The following KIRREL3 variants were observed in gnomAD, a reference collection of about 807,000 sequenced individuals.
KIRREL3 encodes the protein kirre like nephrin family adhesion molecule 3.
A neutral mutation model predicts 89.7 loss-of-function variants in KIRREL3; 36 were observed. The ratio of observed to expected loss-of-function variants is 0.40; its 90% CI spans 0.31 to 0.53. The LOEUF (loss-of-function observed/expected upper bound fraction) is 0.53. Among genes scored for constraint, KIRREL3 ranks in the 20% least tolerant of loss-of-function variants. KIRREL3 has a pLI of 0.49. For missense variants in KIRREL3, 864 were observed against 1,056.6 expected, an observed-to-expected ratio of 0.82 and a Z score of 2.53; for synonymous variants, 445 against 441.4, an observed-to-expected ratio of 1.01 and a Z score of -0.10.
intron 1 of KIRREL3, among the ~76,000 whole-genome samples, chr11:126,895,472 A>G (rs1946114937): frequency 2.0e-5 from 3 of 150,482 alleles, no homozygotes; most frequent in Admixed American, 2.0e-4. Flanking sequence ...AAAAAAAAGG[A>G]AAAAAGAAAG....
At chr11:126,716,588 G>T (rs569048016) in intron 1 of KIRREL3, among the ~76,000 whole-genome samples, 1 of 152,152 alleles carries the variant, frequency 6.6e-6, no homozygotes, top group African/African-American at 2.4e-5. Flanking sequence ...GAGCACAGAA[G>T]ATTCCTGGGG....
Position 126,795,866 on chromosome 11 carries a change from G to A in KIRREL3, c.55+204589C>T, listed in dbSNP as rs1265863543. The stretch of plus-strand genomic sequence containing the variant: ...TTGGAGGGGCATGTAGATACCCCAT[G>A]CCAGGCCAGCCTCCGTACTGCCAGG... On this transcript the variant is annotated intron_variant, in intron 1 of 16. Transcript: ENST00000525144. The surrounding 1 kb of genome is among the most constrained non-coding windows in gnomAD (Gnocchi z 4.1). Among the ~76,000 whole-genome samples the A allele has an allele frequency of 6.6e-6, 1 of 152,216 alleles. No individual in the cohort carries two copies. The highest frequency in any genetic ancestry group is 1.9e-4 in the East Asian group (1 of 5,164).
chr11:126,701,370 G>C (rs1947307328), intron 1 of KIRREL3, among the ~76,000 whole-genome samples: 1 of 152,102 alleles, frequency 6.6e-6, no homozygotes, highest in African/African-American at 2.4e-5. Flanking sequence ...CTCAGTCTTG[G>C]TGAGAGAGGG....
chr11:126,573,403 T>G (rs1941075982), intron 1 of KIRREL3, among the ~76,000 whole-genome samples: 1 of 152,064 alleles, frequency 6.6e-6, no homozygotes, highest in African/African-American at 2.4e-5. Flanking sequence ...GAGCAGAGGA[T>G]GAGGAACTGG....
Position 126,548,661 on chromosome 11 carries a change from G to A in KIRREL3, c.133+14174C>T, listed in dbSNP as rs1421134532. ...CTTCATGAGGAATGACTACACTAGC[G>A]CTCTTGCTTAGGGCCTGCTTCCAGG... is the stretch of plus-strand genomic sequence containing the variant. On this transcript the variant is annotated intron_variant, in intron 2 of 16. Transcript: ENST00000525144. 5.3e-5 allele frequency among the ~76,000 whole-genome samples: 8 copies of A among 152,208 alleles called. No homozygotes were observed. In the South Asian group the frequency reaches 6.2e-4, roughly 12 times the overall value.
At chr11:126,654,899 G>A (rs946923823) in intron 1 of KIRREL3, among the ~76,000 whole-genome samples, 2 of 152,094 alleles carry the variant, frequency 1.3e-5, no homozygotes, top group Admixed American at 6.5e-5. Context: ...TGGGTCAGAG[G>A]CCAGGAGTCT....
In KIRREL3 at chr11:126,890,794, T is replaced by C. The variant is rs529287524; in HGVS notation, c.55+109661A>G. Among the ~76,000 whole-genome samples the C allele has an allele frequency of 6.6e-6, 1 of 152,348 alleles. No homozygotes were observed. The highest frequency in any genetic ancestry group is 6.5e-5 in the Admixed American group (1 of 15,306). ...AGTCCCAGCACCACAGCGGCCTGCC[T>C]GTGCCCAGCGCTGCCCCAGCATCCT... On this transcript the variant is annotated intron_variant, in intron 1 of 16. Transcript: ENST00000525144. The surrounding 1 kb of genome is among the most constrained non-coding windows in gnomAD (Gnocchi z 5.1).
rs1957012922 is a variant in KIRREL3 at position 126,474,564 on chromosome 11, T to C, written c.434-1098A>G. On this transcript the variant is annotated intron_variant, in intron 4 of 16. Transcript: ENST00000525144. The surrounding 1 kb of genome is among the most constrained non-coding windows in gnomAD (Gnocchi z 6.7). ...GAGCTCCTCACTCCTCCAGAGCGGC[T>C]CCAGCCCCTTCATCCCCAGAGGCAG... is the stretch of plus-strand genomic sequence containing the variant. 6.6e-6 allele frequency among the ~76,000 whole-genome samples: 1 copy of C among 152,212 alleles called. No homozygotes were observed. Among genetic ancestry groups the C allele is most frequent in the African/African-American group, 2.4e-5 (1 of 41,456 alleles).
At chr11:126,548,385 GAGCAGGCCAGACC>G (rs1938986645) in intron 2 of KIRREL3, among the ~76,000 whole-genome samples, 1 of 152,176 alleles carries the variant, frequency 6.6e-6, no homozygotes, top group African/African-American at 2.4e-5. Flanking sequence ...CCCTCACACA[GAGCAGGCCAGACC>G]TGCTGGGAGA....
chr11:126,503,765 C>T (rs561214404), intron 4 of KIRREL3, among the ~76,000 whole-genome samples: 7 of 151,536 alleles, frequency 4.6e-5, no homozygotes, highest in Admixed American at 4.6e-4. Context: ...GAGAGAGAAT[C>T]TCCCTCTCCC....
intron 1 of KIRREL3, among the ~76,000 whole-genome samples, chr11:126,914,070 G>C (rs895596616): frequency 1.3e-5 from 2 of 152,350 alleles, no homozygotes; most frequent in Admixed American, 6.5e-5. Context: ...TGGAATATGA[G>C]TGAATGTGAT....
rs1944088211 is a variant in KIRREL3, at chr11:126,844,893, C to T, written c.55+155562G>A. Among the ~76,000 whole-genome samples, 1 of 152,156 alleles carries T rather than the reference C, an allele frequency of 6.6e-6. No individual in the cohort carries two copies. Among genetic ancestry groups the T allele is most frequent in the Admixed American group, 6.5e-5 (1 of 15,286 alleles). Reference sequence around the variant, plus strand: ...GATCCTTTTGCTACCAACAAGCAGCCACCTGAAATTGTCAGTGTTGTTGCA... The same window carrying T: ...GATCCTTTTGCTACCAACAAGCAGCTACCTGAAATTGTCAGTGTTGTTGCA... On this transcript the variant is annotated intron_variant, in intron 1 of 16. Transcript: ENST00000525144. The surrounding 1 kb of genome is among the most constrained non-coding windows in gnomAD (Gnocchi z 4.8).
At chr11:126,662,247 A>G (rs1945438299) in intron 1 of KIRREL3, among the ~76,000 whole-genome samples, 1 of 152,152 alleles carries the variant, frequency 6.6e-6, no homozygotes, top group Admixed American at 6.5e-5. Flanking sequence ...TATGACTAAG[A>G]GCCCATTACC....
At chr11:126,468,071 G>T (rs1022306474) in intron 5 of KIRREL3, among the ~76,000 whole-genome samples, 5 of 152,176 alleles carry the variant, frequency 3.3e-5, no homozygotes, top group Non-Finnish European at 5.9e-5. Context: ...ACACAGACAC[G>T]ACTGTGCGTG....
intron 1 of KIRREL3, among the ~76,000 whole-genome samples, chr11:126,848,372 A>G (rs897624750): frequency 8.5e-5 from 13 of 152,184 alleles, no homozygotes. Flanking sequence ...AGAGAGAAAA[A>G]TTATGTTTCA....
chr11:126,700,709 G>A (rs533419592), intron 1 of KIRREL3, among the ~76,000 whole-genome samples: 2 of 152,266 alleles, frequency 1.3e-5, no homozygotes, highest in East Asian at 3.9e-4. Context: ...TCTTTTCTGT[G>A]AGACTCATCC....
chr11:126,938,415 G>A (rs1375831372), intron 1 of KIRREL3, among the ~76,000 whole-genome samples: 1 of 152,174 alleles, frequency 6.6e-6, no homozygotes, highest in African/African-American at 2.4e-5. Flanking sequence ...TCTATTTTAT[G>A]GATGAGCACA....
intron 1 of KIRREL3, among the ~76,000 whole-genome samples, chr11:126,878,273 C>G (rs540043571): frequency 5.3e-5 from 8 of 152,136 alleles, no homozygotes; most frequent in Admixed American, 3.3e-4. Flanking sequence ...TCCCCTGCAG[C>G]TATTAAAATA....
chr11:126,622,685 G>A lies in KIRREL3; in HGVS notation c.56-59773C>T, dbSNP rs1333755781. Among the ~76,000 whole-genome samples the A allele has an allele frequency of 6.6e-6, 1 of 152,076 alleles. No individual in the cohort carries two copies. Among genetic ancestry groups the A allele is most frequent in the Non-Finnish European group, 1.5e-5 (1 of 68,012 alleles). On this transcript the variant is annotated intron_variant, in intron 1 of 16. Coordinates refer to ENST00000525144, the MANE Select transcript of KIRREL3 (RefSeq NM_032531.4). This position sits in a 1 kb window ranked among gnomAD's most constrained non-coding sequence, Gnocchi z 5.2. The stretch of plus-strand genomic sequence containing the variant: ...GCCTGGGCGACAAGAGCGAAACTCT[G>A]TCTCAAAAAACAAAAAAACAAATAA...
Sources: allele counts gnomAD v4.1 joint callset (sites outside exome capture counted in the v4.1 genomes callset), GRCh38; gene constraint gnomAD v4.1.1; non-coding constraint Gnocchi (gnomAD v3.1); transcripts MANE v1.5; gene names NCBI Gene and HGNC (gene_info 2026-07-23, HGNC 2026-07-21).